DAB1: variants seen among roughly 807,000 people sequenced by gnomAD.
DAB1 encodes disabled homolog 1.
A neutral mutation model predicts 64.6 loss-of-function variants in DAB1; 15 were observed. The ratio of observed to expected loss-of-function variants is 0.23; its 90% CI spans 0.16 to 0.36. DAB1 has a LOEUF of 0.36. Ranked by LOEUF, DAB1 falls within the 10% of genes least tolerant of loss-of-function variation. The probability of loss-of-function intolerance (pLI) is 1.00; values close to 1 mark genes in which losing one functional copy is unlikely to be tolerated. For missense variants in DAB1, 596 were observed against 706.7 expected, an observed-to-expected ratio of 0.84 and a Z score of 1.78; for synonymous variants, 235 against 251.9, an observed-to-expected ratio of 0.93 and a Z score of 0.64.
At chr1:57,537,626 C>A (rs1008105788) in intron 7 of DAB1, among the ~76,000 whole-genome samples, 2 of 152,100 alleles carry the variant, frequency 1.3e-5, no homozygotes, top group African/African-American at 2.4e-5. Context: ...CCTTGCTTTA[C>A]CCCAGTGCTT....
intron 3 of DAB1, chr1:58,481,100 G>A: frequency 1.1e-6 from 1 of 871,898 alleles, no homozygotes; most frequent in South Asian, 1.3e-5. Context: ...AATGCTTCGT[G>A]CTGAGTTTGA....
chr1:57,013,871 C>CT (rs1157201987), intron 12 of DAB1, among the ~76,000 whole-genome samples: 5 of 152,152 alleles, frequency 3.3e-5, no homozygotes, highest in Non-Finnish European at 7.3e-5. Context: ...GAAATATGAG[C>CT]TGGAGGAGAC....
intron 3 of DAB1, chr1:58,481,194 TAAAAA>T (rs781673594): frequency 2.7e-6 from 2 of 754,552 alleles, no homozygotes; most frequent in South Asian, 3.5e-5. Flanking sequence ...AATAATAAAA[TAAAAA>T]AATACTATAT....
At chr1:57,809,955 T>C (rs965262154) in intron 6 of DAB1, among the ~76,000 whole-genome samples, 1 of 152,142 alleles carries the variant, frequency 6.6e-6, no homozygotes, top group Non-Finnish European at 1.5e-5. Context: ...CAGAAAGTGT[T>C]ATTAGGGCTT....
At chr1:58,232,622 A>T (rs2100355130) in intron 4 of DAB1, among the ~76,000 whole-genome samples, 1 of 152,318 alleles carries the variant, frequency 6.6e-6, no homozygotes, top group African/African-American at 2.4e-5. Context: ...TATTGACAGT[A>T]AAAGGGATTG....
chr1:57,692,492 CAA>C (rs959477336), intron 6 of DAB1, among the ~76,000 whole-genome samples: 13 of 151,300 alleles, frequency 8.6e-5, no homozygotes, highest in African/African-American at 2.4e-4. Context: ...GAGGCAAAGT[CAA>C]AGAGAGAGAG....
intron 5 of DAB1, among the ~76,000 whole-genome samples, chr1:57,933,763 T>C (rs1368379809): frequency 6.6e-6 from 1 of 152,184 alleles, no homozygotes; most frequent in East Asian, 1.9e-4. Context: ...GCTGGGTCAT[T>C]GGGTAGATAC....
intron 2 of DAB1, among the ~76,000 whole-genome samples, chr1:57,285,409 C>T (rs1375985010): frequency 6.6e-6 from 1 of 152,204 alleles, no homozygotes; most frequent in East Asian, 1.9e-4. Context: ...GCTGGGATTA[C>T]AGGCGAGTGC....
At chr1:57,788,283 C>A (rs1368866821) in intron 6 of DAB1, among the ~76,000 whole-genome samples, 1 of 152,046 alleles carries the variant, frequency 6.6e-6, no homozygotes, top group Non-Finnish European at 1.5e-5. Context: ...GTGTCTATAG[C>A]CTGAGGAATG....
At chr1:57,723,097 A>C (rs1483773519) in intron 6 of DAB1, among the ~76,000 whole-genome samples, 3 of 152,160 alleles carry the variant, frequency 2.0e-5, no homozygotes, top group Non-Finnish European at 4.4e-5. Context: ...CTCAGCTCCC[A>C]GGCCCTCCAA....
rs570611941 is a variant in DAB1, at chr1:57,054,653, T to C, written c.723+8231A>G. ...CCACCACGCCCGGCTAATTTTTTTGTATTTTTAGTAGAGATGGTGTTTCAC... is the reference window on the plus strand; with the variant it reads ...CCACCACGCCCGGCTAATTTTTTTGCATTTTTAGTAGAGATGGTGTTTCAC... On this transcript the variant is annotated intron_variant, in intron 9 of 14. Transcript: ENST00000371236. Among the ~76,000 whole-genome samples, 9 of 152,186 alleles carry C rather than the reference T, an allele frequency of 5.9e-5. No individual in the cohort carries two copies. The South Asian group carries it at 1.9e-3, about 32-fold the overall frequency.
intron 1 of DAB1, among the ~76,000 whole-genome samples, chr1:57,310,652 G>A (rs547693563): frequency 6.6e-6 from 1 of 151,594 alleles, no homozygotes; most frequent in Non-Finnish European, 1.5e-5. Context: ...ATTTGTAAAA[G>A]AAAAAAAAGA....
intron 6 of DAB1, among the ~76,000 whole-genome samples, chr1:57,683,146 G>C (rs779726458): frequency 3.3e-5 from 5 of 152,204 alleles, no homozygotes; most frequent in Non-Finnish European, 7.3e-5. Flanking sequence ...AGCAGAGGAG[G>C]AGCCCCTACT....
At chr1:57,125,457 T>C (rs188322714) in intron 4 of DAB1, among the ~76,000 whole-genome samples, 20 of 152,326 alleles carry the variant, frequency 1.3e-4, no homozygotes, top group Admixed American at 3.9e-4. Context: ...TAGCAGGTTA[T>C]ACTTTATATC....
chr1:57,201,234 A>T (rs975225497), intron 2 of DAB1, among the ~76,000 whole-genome samples: 2 of 152,072 alleles, frequency 1.3e-5, no homozygotes, highest in Non-Finnish European at 2.9e-5. Context: ...GCAGCAAGCA[A>T]GCATTCATTC....
chr1:57,918,299 G>A (rs897203641), intron 5 of DAB1, among the ~76,000 whole-genome samples: 1 of 152,026 alleles, frequency 6.6e-6, no homozygotes, highest in Admixed American at 6.6e-5. Context: ...TCTGAGACTG[G>A]GTATTTTGTA....
At chr1:57,929,869 A>G (rs1475245077) in intron 5 of DAB1, among the ~76,000 whole-genome samples, 1 of 152,206 alleles carries the variant, frequency 6.6e-6, no homozygotes, top group Non-Finnish European at 1.5e-5. Flanking sequence ...TACTACCTTA[A>G]GAATGGCATC....
intron 1 of DAB1, among the ~76,000 whole-genome samples, chr1:57,827,453 T>G (rs1487637442): frequency 6.6e-6 from 1 of 152,226 alleles, no homozygotes; most frequent in Non-Finnish European, 1.5e-5. Flanking sequence ...CTTGGGCAAT[T>G]ACATTTTCTG....
chr1:57,895,940 G>A (rs1330869679), intron 5 of DAB1, among the ~76,000 whole-genome samples: 1 of 152,156 alleles, frequency 6.6e-6, no homozygotes, highest in Non-Finnish European at 1.5e-5. Context: ...CTATTACAGA[G>A]GAAAGCATGC....
Sources: allele counts gnomAD v4.1 joint callset (sites outside exome capture counted in the v4.1 genomes callset), GRCh38; gene constraint gnomAD v4.1.1; transcripts MANE v1.5; gene names NCBI Gene and HGNC (gene_info 2026-07-23, HGNC 2026-07-21).